PTPRN2: variants seen among roughly 807,000 people sequenced by gnomAD.
The protein encoded by PTPRN2 is receptor-type tyrosine-protein phosphatase N2.
A neutral mutation model predicts 118.8 loss-of-function variants in PTPRN2; 74 were observed. That is an observed-to-expected ratio of 0.62 (90% CI 0.52 to 0.76). The LOEUF (loss-of-function observed/expected upper bound fraction) is 0.76. PTPRN2 is among the 30% of genes least tolerant of loss of function. PTPRN2 has a pLI of 0.00. For synonymous variants in PTPRN2, 641 were observed against 608.0 expected (o/e 1.05, Z -0.80); for missense variants, 1,481 against 1,394.4 (o/e 1.06, Z -0.99).
chr7:158,038,700 G>A (rs1196029082), intron 11 of PTPRN2, among the ~76,000 whole-genome samples: 1 of 148,314 alleles, frequency 6.7e-6, no homozygotes, highest in African/African-American at 2.5e-5. Context: ...TATGTAACAT[G>A]TATATTTATA....
chr7:157,604,779 G>A (rs796673156), intron 15 of PTPRN2, among the ~76,000 whole-genome samples: 18 of 152,342 alleles, frequency 1.2e-4, no homozygotes, highest in African/African-American at 4.1e-4. Flanking sequence ...GAAGCCGGGC[G>A]CAGCGGGGGG....
rs1554561530 is a variant in PTPRN2, at chr7:158,152,191, A to AAAAAAAAT, written c.911-13677_911-13676insATTTTTTT. On this transcript the variant is annotated intron_variant, in intron 6 of 22. Transcript: ENST00000389418. ...TCTGTCTCAAAAAAAAAAAAAAAAAACCATGAATGCACAGAATATGTGGTG... is the reference window on the plus strand; with the variant it reads ...TCTGTCTCAAAAAAAAAAAAAAAAAAAAAAAAATCCATGAATGCACAGAATATGTGGTG... 6.7e-4 allele frequency among the ~76,000 whole-genome samples: 97 copies of AAAAAAAAT among 145,220 alleles called. 2 individuals are homozygous for AAAAAAAAT. The highest frequency in any genetic ancestry group is 3.6e-3 in the Middle Eastern group (1 of 274).
chr7:158,073,825 G>A (rs2128924140), intron 11 of PTPRN2, among the ~76,000 whole-genome samples: 1 of 152,288 alleles, frequency 6.6e-6, no homozygotes, highest in East Asian at 1.9e-4. Context: ...ATCATGGAAG[G>A]ACCAGGGCTT....
Position 157,590,716 on chromosome 7 carries a change from C to T in PTPRN2, c.2496+4522G>A, listed in dbSNP as rs10239148. Among the ~76,000 whole-genome samples, 5,398 of 152,104 alleles carry T rather than the reference C, an allele frequency of 0.035. 312 individuals are homozygous for T. The highest frequency in any genetic ancestry group is 0.12 in the African/African-American group (5,098 of 41,458). On this transcript the variant is annotated intron_variant, in intron 17 of 22. Transcript: ENST00000389418. This position sits in a 1 kb window ranked among gnomAD's most constrained non-coding sequence, Gnocchi z 4.0. ...GAGGCTGGTGAGCATGGAGTGACCT[C>T]GATGCCCCATGCTCACCGAGGGGAC... is the stretch of plus-strand genomic sequence containing the variant.
chr7:158,271,421 A>T (rs1389980293), intron 3 of PTPRN2, among the ~76,000 whole-genome samples: 1 of 152,232 alleles, frequency 6.6e-6, no homozygotes, highest in African/African-American at 2.4e-5. Context: ...TTATAATGAA[A>T]AGCCACAATC....
intron 1 of PTPRN2, among the ~76,000 whole-genome samples, chr7:158,496,029 GGGGGGCAGCA>G (rs746033328): frequency 1.5e-4 from 22 of 150,930 alleles, no homozygotes; most frequent in African/African-American, 5.2e-4. Flanking sequence ...GACAGGGCTT[GGGGGGCAGCA>G]GGGGGCAGCA....
At chr7:157,800,145 G>A (rs549353098) in intron 12 of PTPRN2, among the ~76,000 whole-genome samples, 29 of 150,734 alleles carry the variant, frequency 1.9e-4, no homozygotes, top group South Asian at 1.7e-3. Flanking sequence ...CACCACAGGC[G>A]GCCTCCCCAT....
rs1438369642 is a variant in PTPRN2, at chr7:158,332,019, A to T, written c.164-15087T>A. ...CTCTCCATAAGAGCTGACAACCGCA[A>T]ACGTCACTGACACCCACACTCTAAC... On this transcript the variant is annotated intron_variant, in intron 2 of 22. Coordinates refer to ENST00000389418, the MANE Select transcript of PTPRN2 (RefSeq NM_002847.5). 1.4e-5 allele frequency among the ~76,000 whole-genome samples: 2 copies of T among 145,298 alleles called. 1 individual carries two copies. Among genetic ancestry groups the T allele is most frequent in the African/African-American group, 5.3e-5 (2 of 38,016 alleles).
intron 3 of PTPRN2, among the ~76,000 whole-genome samples, chr7:158,300,320 G>A (rs919397353): frequency 1.3e-5 from 2 of 152,174 alleles, no homozygotes; most frequent in East Asian, 1.9e-4. Flanking sequence ...AGGTCCCCTC[G>A]TATCGTCTGA....
chr7:158,087,876 C>A, intron 10 of PTPRN2, among the ~76,000 whole-genome samples: 1 of 84,658 alleles, frequency 1.2e-5, no homozygotes, highest in Non-Finnish European at 2.8e-5. Flanking sequence ...AGTCTTCACA[C>A]AAACCTTCTT....
Position 158,095,512 on chromosome 7 carries a change from G to A in PTPRN2, c.1644-14135C>T, listed in dbSNP as rs61490548. Among the ~76,000 whole-genome samples, 25 of 152,228 alleles carry A rather than the reference G, an allele frequency of 1.6e-4. No homozygotes were observed. The East Asian group carries it at 3.7e-3, about 22-fold the overall frequency. ...TCTCTACTCCATGGAGGAGCACACT[G>A]AGGCCAGGTGGCTTCAGTAATCTGC... On this transcript the variant is annotated intron_variant, in intron 10 of 22. Coordinates refer to ENST00000389418, the MANE Select transcript of PTPRN2 (RefSeq NM_002847.5).
chr7:158,149,264 C>T, intron 6 of PTPRN2, among the ~76,000 whole-genome samples: 1 of 152,168 alleles, frequency 6.6e-6, no homozygotes, highest in East Asian at 1.9e-4. Context: ...AACCCAATTT[C>T]CAACCAAAAG....
intron 12 of PTPRN2, among the ~76,000 whole-genome samples, chr7:157,749,907 G>C (rs1801352373): frequency 6.7e-6 from 1 of 148,376 alleles, no homozygotes; most frequent in African/African-American, 2.5e-5. Flanking sequence ...GTGATTCTGA[G>C]GCCTGCATCT....
intron 13 of PTPRN2, among the ~76,000 whole-genome samples, chr7:157,680,277 T>C (rs1056643347): frequency 6.6e-6 from 1 of 152,238 alleles, no homozygotes; most frequent in Non-Finnish European, 1.5e-5. Context: ...ACTGTGATTA[T>C]AGAATCAGCA....
intron 21 of PTPRN2, among the ~76,000 whole-genome samples, chr7:157,551,872 A>G (rs1409009008): frequency 2.2e-5 from 3 of 135,196 alleles, no homozygotes; most frequent in Non-Finnish European, 3.2e-5. Flanking sequence ...CCCCATGGGC[A>G]CCACGCACCC....
intron 2 of PTPRN2, among the ~76,000 whole-genome samples, chr7:158,442,662 A>G (rs1459400532): frequency 1.3e-5 from 2 of 152,218 alleles, no homozygotes; most frequent in East Asian, 3.8e-4. Context: ...TTGGGGCTTT[A>G]GGATCGTAAG....
intron 3 of PTPRN2, among the ~76,000 whole-genome samples, chr7:158,292,162 G>T (rs1328374902): frequency 6.6e-6 from 1 of 152,100 alleles, no homozygotes; most frequent in Non-Finnish European, 1.5e-5. Context: ...GCTGCCATCT[G>T]GTAAGCTTCC....
At chr7:157,976,467 C>T (rs184419699) in intron 11 of PTPRN2, among the ~76,000 whole-genome samples, 2 of 148,704 alleles carry the variant, frequency 1.3e-5, no homozygotes, top group African/African-American at 4.9e-5. Flanking sequence ...AAGCCCCCCC[C>T]ACCAATTACC....
At chr7:158,377,844 C>T (rs1239379757) in intron 2 of PTPRN2, among the ~76,000 whole-genome samples, 2 of 151,964 alleles carry the variant, frequency 1.3e-5, no homozygotes, top group Non-Finnish European at 2.9e-5. Flanking sequence ...GGGCAGGGTG[C>T]AGGCAGAAGC....
Sources: gnomAD v4.1 joint callset for allele counts (sites outside exome capture counted in the v4.1 genomes callset) on GRCh38, gnomAD v4.1.1 for gene constraint, Gnocchi (gnomAD v3.1) non-coding constraint, MANE v1.5 for transcripts, NCBI Gene and HGNC (gene_info 2026-07-23, HGNC 2026-07-21) for gene names.